The following GATAD2A variants were observed in gnomAD, a reference collection of about 807,000 sequenced individuals.
GATAD2A encodes the protein GATA zinc finger domain containing 2A.
In GATAD2A, 12 loss-of-function variants were observed where a neutral mutation model predicts 68.5. The observed-to-expected ratio is 0.18, with a 90% CI of 0.11 to 0.28. The LOEUF (loss-of-function observed/expected upper bound fraction) is 0.28, where lower values mean the gene tolerates loss of function less well. Among genes scored for constraint, GATAD2A ranks in the 10% least tolerant of loss-of-function variants. The pLI, the probability that GATAD2A is intolerant of heterozygous loss-of-function variation, is 1.00. For synonymous variants in GATAD2A, 410 were observed against 375.3 expected (o/e 1.09, Z -1.07); for missense variants, 755 against 868.5 (o/e 0.87, Z 1.64).
At chr19:19,497,793 C>T (rs1380774049) in intron 7 of GATAD2A, among the ~76,000 whole-genome samples, 1 of 152,156 alleles carries the variant, frequency 6.6e-6, no homozygotes, top group Non-Finnish European at 1.5e-5. Flanking sequence ...TTCTGGGTTT[C>T]AGGGAGAGCC....
rs199697273 is a variant in GATAD2A at position 19,439,935 on chromosome 19, G to A, written c.-6-25405G>A. 8.5e-5 allele frequency among the ~76,000 whole-genome samples: 13 copies of A among 152,240 alleles called. No homozygotes were observed. The East Asian group carries it at 2.1e-3, about 25-fold the overall frequency. On this transcript the variant is annotated intron_variant, in intron 1 of 11. Transcript: ENST00000683918. Reference sequence around the variant, plus strand: ...CAAATCCACTTCTGGAAATGTATCCGAAACATGGTCAGAAATAAGGAAGGA... The same window carrying A: ...CAAATCCACTTCTGGAAATGTATCCAAAACATGGTCAGAAATAAGGAAGGA...
At chr19:19,454,327 T>C (rs2056713425) in intron 1 of GATAD2A, among the ~76,000 whole-genome samples, 1 of 148,062 alleles carries the variant, frequency 6.8e-6, no homozygotes, top group African/African-American at 2.5e-5. Context: ...CCAGGTGCAG[T>C]GGCTCACTGC....
rs747490626 is a variant in GATAD2A at position 19,465,546 on chromosome 19, G to A, written c.201G>A (p.Thr67=). ...TQGLLRATEA[T]AMAMGRGEGL... ...GATTGCTGAGGGCAACAGAGGCCAC[G>A]GCCATGGCCATGGGCAGAGGCGAAG... The change falls in exon 2 of 12, where the codon ACG becomes ACA. Residue 67 remains threonine (T), a synonymous_variant. Coordinates refer to ENST00000683918, the MANE Select transcript of GATAD2A (RefSeq NM_001384528.1). 18 of 1,613,804 alleles carry A rather than the reference G, an allele frequency of 1.1e-5. No homozygotes were observed. Among genetic ancestry groups the A allele is most frequent in the East Asian group, 1.1e-4 (5 of 44,876 alleles).
intron 7 of GATAD2A, among the ~76,000 whole-genome samples, chr19:19,497,679 A>G (rs1486044524): frequency 1.3e-5 from 2 of 152,110 alleles, no homozygotes; most frequent in East Asian, 3.8e-4. Context: ...GGCATTTGCA[A>G]GTCATTGGGT....
chr19:19,465,594 G>A lies in GATAD2A; in HGVS notation c.249G>A (p.Val83=), dbSNP rs569813622. ...RGEGLVGDGP[V]DMRTSHSDMK... ...AAGGGCTGGTGGGCGATGGGCCCGT[G>A]GACATGCGCACCTCACACAGGTGAG... Residue 83 remains valine (V), a synonymous_variant, in exon 2 of 12, where the codon GTG becomes GTA. Coordinates refer to ENST00000683918, the MANE Select transcript of GATAD2A (RefSeq NM_001384528.1). The A allele has an allele frequency of 1.2e-6, 2 of 1,611,200 alleles. No homozygotes were observed. Among genetic ancestry groups the A allele is most frequent in the African/African-American group, 2.7e-5 (2 of 75,018 alleles).
At chr19:19,415,135 G>A (rs925963008) in intron 1 of GATAD2A, among the ~76,000 whole-genome samples, 1 of 135,786 alleles carries the variant, frequency 7.4e-6, no homozygotes, top group Non-Finnish European at 1.6e-5. Context: ...GTGTTGAGTA[G>A]GTGATGTCTT....
chr19:19,501,021 G>C, intron 8 of GATAD2A, 97 bp from the exon 9 acceptor site: 1 of 1,083,192 alleles, frequency 9.2e-7, no homozygotes. Flanking sequence ...CGGACAGACT[G>C]TGGCGACTGA....
intron 1 of GATAD2A, among the ~76,000 whole-genome samples, chr19:19,424,297 T>C (rs1246389530): frequency 3.3e-5 from 5 of 152,156 alleles, no homozygotes; most frequent in African/African-American, 4.8e-5. Flanking sequence ...TGGCGTGATA[T>C]TGGCTCACTG....
chr19:19,455,373 C>T (rs1332136534), intron 1 of GATAD2A, among the ~76,000 whole-genome samples: 1 of 151,994 alleles, frequency 6.6e-6, no homozygotes, highest in Non-Finnish European at 1.5e-5. Flanking sequence ...GCCTGTAGTC[C>T]CACTTACTCG....
At chr19:19,419,370 C>T (rs955552736) in intron 1 of GATAD2A, among the ~76,000 whole-genome samples, 6 of 152,158 alleles carry the variant, frequency 3.9e-5, no homozygotes, top group Admixed American at 2.6e-4. Flanking sequence ...GGTGGCTGTT[C>T]CTGCCCATGG....
intron 1 of GATAD2A, among the ~76,000 whole-genome samples, chr19:19,437,644 C>T (rs2147570231): frequency 6.6e-6 from 1 of 152,294 alleles, no homozygotes; most frequent in South Asian, 2.1e-4. Context: ...TGTTGATTTG[C>T]CTGTTGTGGA....
At chr19:19,492,243 CAG>C (rs1400248747) in intron 2 of GATAD2A, 61 bp from the exon 3 acceptor site, 4 of 1,532,006 alleles carry the variant, frequency 2.6e-6, no homozygotes, top group South Asian at 1.2e-5. Context: ...CATGTGTCCA[CAG>C]GGGTGGGCAC....
At chr19:19,421,385 T>G (rs1288306009) in intron 1 of GATAD2A, among the ~76,000 whole-genome samples, 7 of 152,202 alleles carry the variant, frequency 4.6e-5, no homozygotes, top group Admixed American at 3.9e-4. Flanking sequence ...TGGCCTGTAC[T>G]GTCCCTTCGC....
chr19:19,474,111 G>GA (rs35575493), intron 2 of GATAD2A: 7 of 985,164 alleles, frequency 7.1e-6, no homozygotes, highest in Non-Finnish European at 8.4e-6. Flanking sequence ...GGGCCAGCTG[G>GA]AAAAAAGGTG....
rs1054444734 is a variant in GATAD2A, at chr19:19,505,779, G to A, written c.*305G>A. On this transcript the variant is annotated 3_prime_UTR_variant, in exon 12 of 12. Coordinates refer to ENST00000683918, the MANE Select transcript of GATAD2A (RefSeq NM_001384528.1). ...ACCAGCAGAAAAGTGGACCTTGGGG[G>A]CTGGTTCTGCTCCTGGCCCCCTTGT... The A allele has an allele frequency of 2.2e-6, 1 of 462,800 alleles. No homozygotes were observed. Among genetic ancestry groups the A allele is most frequent in the Non-Finnish European group, 3.8e-6 (1 of 265,578 alleles). The allele number at this position is 462,800 out of a possible 1,614,324, so 28.7% of individuals were successfully genotyped here. A position where few individuals can be genotyped will look rare whatever the true frequency, so the allele number is the denominator to read the frequency against.
chr19:19,429,493 C>T (rs965940114), intron 1 of GATAD2A, among the ~76,000 whole-genome samples: 4 of 152,020 alleles, frequency 2.6e-5, no homozygotes, highest in African/African-American at 7.2e-5. Context: ...CCTTGAAGGC[C>T]GTGGTGAGGT....
intron 1 of GATAD2A, among the ~76,000 whole-genome samples, chr19:19,459,855 C>G (rs567356959): frequency 7.2e-5 from 11 of 152,334 alleles, no homozygotes; most frequent in African/African-American, 2.2e-4. Flanking sequence ...CTTGGAACAC[C>G]TTTCTGTCTC....
chr19:19,416,865 G>A (rs1049495597), intron 1 of GATAD2A, among the ~76,000 whole-genome samples: 10 of 151,796 alleles, frequency 6.6e-5, no homozygotes, highest in African/African-American at 1.5e-4. Context: ...GGGTCCAAGC[G>A]ATTCTCCTGC....
chr19:19,424,124 T>A (rs920297524), intron 1 of GATAD2A, among the ~76,000 whole-genome samples: 2 of 152,080 alleles, frequency 1.3e-5, no homozygotes, highest in Non-Finnish European at 2.9e-5. Flanking sequence ...AGGGTCTCAC[T>A]GTTTTCTAGG....
Sources: allele counts gnomAD v4.1 joint callset (sites outside exome capture counted in the v4.1 genomes callset), GRCh38; gene constraint gnomAD v4.1.1; transcripts MANE v1.5; gene names NCBI Gene and HGNC (gene_info 2026-07-23, HGNC 2026-07-21).